UCHL1: variants seen among roughly 807,000 people sequenced by gnomAD.
UCHL1 encodes the protein ubiquitin C-terminal hydrolase L1.
Under a neutral mutation model 33.3 loss-of-function variants are expected in UCHL1, and 5 were observed. The ratio of observed to expected loss-of-function variants is 0.15; its 90% CI spans 0.08 to 0.32. The LOEUF (loss-of-function observed/expected upper bound fraction) is 0.32. UCHL1 is among the 10% of genes least tolerant of loss of function. The probability of loss-of-function intolerance (pLI) is 1.00; values close to 1 mark genes in which losing one functional copy is unlikely to be tolerated. For missense variants in UCHL1, 236 were observed against 280.0 expected, an observed-to-expected ratio of 0.84 and a Z score of 1.12; for synonymous variants, 132 against 108.8, an observed-to-expected ratio of 1.21 and a Z score of -1.33.
chr4:41,257,027 C>T lies in UCHL1; in HGVS notation c.33+18C>T. 1 of 1,614,202 alleles carries T rather than the reference C, an allele frequency of 6.2e-7. No homozygotes were observed. The stretch of plus-strand genomic sequence containing the variant: ...ACCCCGAGGTGAGCGCCAGGTGCAC[C>T]GCTACCCGGAGAGCGCGAGGCCGAG... On this transcript the variant is annotated intron_variant, in intron 1 of 8. Transcript: ENST00000284440.
intron 6 of UCHL1, 76 bp downstream of exon 6, chr4:41,261,999 T>G: frequency 1.3e-6 from 2 of 1,574,048 alleles, no homozygotes; most frequent in Non-Finnish European, 1.7e-6. Flanking sequence ...CAGGAATCTC[T>G]TACTGGAACA....
intron 8 of UCHL1, among the ~76,000 whole-genome samples, chr4:41,265,267 G>A (rs1278851609): frequency 6.6e-6 from 1 of 152,166 alleles, no homozygotes; most frequent in Non-Finnish European, 1.5e-5. Flanking sequence ...GGACTTACAT[G>A]GCAAACTGTG....
At position 41,268,416 on chromosome 4, in the gene UCHL1, C is replaced by G. The variant is rs1781188469; in HGVS notation, c.*343C>G. 3.1e-6 allele frequency: 1 copy of G among 318,968 alleles called. No individual in the cohort carries two copies. Among genetic ancestry groups the G allele is most frequent in the African/African-American group, 2.1e-5 (1 of 47,450 alleles). The allele number at this position is 318,968 out of a possible 1,614,324, so 19.8% of individuals were successfully genotyped here. On this transcript the variant is annotated 3_prime_UTR_variant, in exon 9 of 9. Transcript: ENST00000284440. Reference sequence around the variant, plus strand: ...TGTCCTCAAAAGGAATAAAACTTTTCTGCTGATAAGATAGCCACAGCTGAT... The same window carrying G: ...TGTCCTCAAAAGGAATAAAACTTTTGTGCTGATAAGATAGCCACAGCTGAT...
At chr4:41,261,822 G>A (rs1416556105) in intron 5 of UCHL1, 22 bp downstream of exon 5, 1 of 1,614,130 alleles carries the variant, frequency 6.2e-7, no homozygotes, top group East Asian at 2.2e-5. Flanking sequence ...TACAGAGCAT[G>A]GCCTTTAAAT....
rs752770640 is a variant in UCHL1, at chr4:41,261,774, A to C, written c.385A>C (p.Arg129=). The C allele has an allele frequency of 4.3e-6, 7 of 1,614,086 alleles. No homozygotes were observed. The East Asian group carries it at 1.6e-4, about 36-fold the overall frequency. The change falls in exon 5 of 9, where the codon AGA becomes CGA. Residue 129 remains arginine, a synonymous_variant. Transcript: ENST00000284440. ...SETEKMSPED[R]AKCFEKNEAI... ...AACAGAGAAAATGTCCCCTGAAGACAGAGCAAAATGCTTTGAAAAGAATGA... is the reference window on the plus strand; with the variant it reads ...AACAGAGAAAATGTCCCCTGAAGACCGAGCAAAATGCTTTGAAAAGAATGA...
chr4:41,261,223 A>G (rs974094168), intron 4 of UCHL1, among the ~76,000 whole-genome samples: 2 of 152,156 alleles, frequency 1.3e-5, no homozygotes, highest in Admixed American at 6.5e-5. Flanking sequence ...CTAAAGTTGA[A>G]TTTTCTACCC....
chr4:41,262,350 G>A (rs1781083415), intron 6 of UCHL1, among the ~76,000 whole-genome samples: 1 of 152,142 alleles, frequency 6.6e-6, no homozygotes, highest in African/African-American at 2.4e-5. Flanking sequence ...GGAGGCTGAG[G>A]TGGGAGAATT....
intron 6 of UCHL1, among the ~76,000 whole-genome samples, chr4:41,262,298 C>CA (rs1291543637): frequency 6.6e-6 from 1 of 151,984 alleles, no homozygotes; most frequent in Non-Finnish European, 1.5e-5. Context: ...CCCGTCCCTA[C>CA]AAAAAATACA....
At chr4:41,262,838 G>A (rs1220029781) in intron 6 of UCHL1, among the ~76,000 whole-genome samples, 7 of 152,078 alleles carry the variant, frequency 4.6e-5, no homozygotes, top group Admixed American at 4.6e-4. Context: ...ACTCTTGTGA[G>A]CTCAAGTGAT....
chr4:41,258,176 A>G (rs889482713), intron 3 of UCHL1, among the ~76,000 whole-genome samples: 5 of 152,196 alleles, frequency 3.3e-5, no homozygotes, highest in African/African-American at 9.6e-5. Flanking sequence ...CCTAAATCGC[A>G]GGGAAACAAT....
Position 41,259,377 on chromosome 4 carries a change from C to T in UCHL1, c.175-1270C>T, listed in dbSNP as rs568003136. ...AATGATTTCCATGGAAGAGCTCAAG[C>T]AGCCCTAAAGGATGGTGCTATCCCA... On this transcript the variant is annotated intron_variant, in intron 3 of 8. Coordinates refer to ENST00000284440, the MANE Select transcript of UCHL1 (RefSeq NM_004181.5). Among the ~76,000 whole-genome samples, 4 of 152,310 alleles carry T rather than the reference C, an allele frequency of 2.6e-5. No homozygotes were observed. In the East Asian group the frequency reaches 7.7e-4, roughly 29 times the overall value.
intron 8 of UCHL1, among the ~76,000 whole-genome samples, chr4:41,265,048 C>T (rs573467846): frequency 1.9e-4 from 29 of 152,174 alleles, no homozygotes; most frequent in Non-Finnish European, 3.8e-4. Context: ...CTCAGCAGCC[C>T]ATAGACACTC....
chr4:41,268,142 C>A lies in UCHL1; in HGVS notation c.*69C>A. 7.0e-7 allele frequency: 1 copy of A among 1,424,586 alleles called. No homozygotes were observed. The highest frequency in any genetic ancestry group is 9.8e-7 in the Non-Finnish European group (1 of 1,023,162). The allele number at this position is 1,424,586 out of a possible 1,614,324, so 88.2% of individuals were successfully genotyped here. ...ACATGAAAATATATACCCCCCCATGCAGTCTAAAATGCTTCAGTACTTGTG... is the reference window on the plus strand; with the variant it reads ...ACATGAAAATATATACCCCCCCATGAAGTCTAAAATGCTTCAGTACTTGTG... On this transcript the variant is annotated 3_prime_UTR_variant, in exon 9 of 9. Transcript: ENST00000284440.
chr4:41,258,234 T>TA (rs1195183962), intron 3 of UCHL1, among the ~76,000 whole-genome samples: 1 of 152,232 alleles, frequency 6.6e-6, no homozygotes, highest in Non-Finnish European at 1.5e-5. Context: ...CTGATGGTCT[T>TA]AAGGGGTTCT....
chr4:41,267,913 T>A (rs1363545005), intron 8 of UCHL1, 74 bp from the exon 9 acceptor site: 3 of 1,350,386 alleles, frequency 2.2e-6, no homozygotes, highest in Non-Finnish European at 3.1e-6. Flanking sequence ...TTAATAGACC[T>A]TGGAGCCTTT....
intron 3 of UCHL1, among the ~76,000 whole-genome samples, chr4:41,258,641 A>T (rs2154087125): frequency 6.6e-6 from 1 of 152,306 alleles, no homozygotes; most frequent in Non-Finnish European, 1.5e-5. Context: ...TAGCTTTAGC[A>T]AAACTTGGGG....
In UCHL1 at chr4:41,264,030, C is replaced by T; in HGVS notation, c.527-73C>T. ...GGTTTTTGGAAGAATCTAAAACTTC[C>T]ATCTAGGCTAGGTAAGCACGGTAGC... On this transcript the variant is annotated intron_variant, in intron 7 of 8. Coordinates refer to ENST00000284440, the MANE Select transcript of UCHL1 (RefSeq NM_004181.5). 4.4e-6 allele frequency: 7 copies of T among 1,594,356 alleles called. No homozygotes were observed. The South Asian group carries it at 6.6e-5, about 15-fold the overall frequency.
At chr4:41,262,227 C>T (rs922160928) in intron 6 of UCHL1, among the ~76,000 whole-genome samples, 8 of 152,046 alleles carry the variant, frequency 5.3e-5, no homozygotes, top group East Asian at 1.9e-4. Context: ...TTTGGGAGGC[C>T]GAGGAGGGTG....
chr4:41,258,064 C>G (rs1362770685), intron 3 of UCHL1, among the ~76,000 whole-genome samples: 1 of 152,176 alleles, frequency 6.6e-6, no homozygotes, highest in Non-Finnish European at 1.5e-5. Flanking sequence ...CCTCCGGTTC[C>G]GGGGAATGGC....
Sources: gnomAD v4.1 joint callset for allele counts (sites outside exome capture counted in the v4.1 genomes callset) on GRCh38, gnomAD v4.1.1 for gene constraint, MANE v1.5 for transcripts, NCBI Gene and HGNC (gene_info 2026-07-23, HGNC 2026-07-21) for gene names.